MEOX2: variants seen among roughly 807,000 people sequenced by gnomAD.
The protein encoded by MEOX2 is mesenchyme homeobox 2.
Under a neutral mutation model 27.0 loss-of-function variants are expected in MEOX2, and 11 were observed. That is an observed-to-expected ratio of 0.41 (90% CI 0.26 to 0.68). MEOX2 has a LOEUF of 0.68. MEOX2 is among the 30% of genes least tolerant of loss of function. The probability of loss-of-function intolerance (pLI) is 0.33; values close to 1 mark genes in which losing one functional copy is unlikely to be tolerated. For missense variants in MEOX2, 436 were observed against 385.4 expected (o/e 1.13, Z -1.10); for synonymous variants, 189 against 155.4 (o/e 1.22, Z -1.61).
chr7:15,663,491 C>A (rs943024041), intron 1 of MEOX2, among the ~76,000 whole-genome samples: 6 of 124,234 alleles, frequency 4.8e-5, no homozygotes, highest in Non-Finnish European at 1.0e-4. Context: ...TGCCACCACA[C>A]CCGGCTAATT....
chr7:15,615,573 T>C (rs2115352919), intron 2 of MEOX2, among the ~76,000 whole-genome samples: 2 of 152,220 alleles, frequency 1.3e-5, no homozygotes, highest in East Asian at 1.9e-4. Flanking sequence ...CTGAGTTTAA[T>C]TACCTTTGCA....
intron 1 of MEOX2, among the ~76,000 whole-genome samples, chr7:15,664,844 T>C (rs1269510138): frequency 6.6e-6 from 1 of 152,166 alleles, no homozygotes; most frequent in Non-Finnish European, 1.5e-5. Flanking sequence ...CTGGACTTTC[T>C]AGCAGGTGTG....
At chr7:15,674,060 T>C (rs1782153750) in intron 1 of MEOX2, among the ~76,000 whole-genome samples, 1 of 152,118 alleles carries the variant, frequency 6.6e-6, no homozygotes, top group African/African-American at 2.4e-5. Context: ...ATAGATATAA[T>C]ATTAAACAAA....
intron 1 of MEOX2, among the ~76,000 whole-genome samples, chr7:15,668,451 G>A (rs1326709781): frequency 6.6e-6 from 1 of 152,004 alleles, no homozygotes; most frequent in Non-Finnish European, 1.5e-5. Context: ...GGCAATAGTA[G>A]GCTAGTAGTA....
intron 1 of MEOX2, among the ~76,000 whole-genome samples, chr7:15,669,341 T>A (rs1782061044): frequency 6.6e-6 from 1 of 152,262 alleles, no homozygotes; most frequent in Non-Finnish European, 1.5e-5. Context: ...TATGTATATT[T>A]GTTTTTTGTG....
intron 1 of MEOX2, among the ~76,000 whole-genome samples, chr7:15,651,217 A>T (rs1249162204): frequency 1.3e-5 from 2 of 151,976 alleles, no homozygotes; most frequent in African/African-American, 4.8e-5. Flanking sequence ...ATGAAATGTG[A>T]TATACTTTCC....
chr7:15,655,924 T>C (rs116426954), intron 1 of MEOX2, among the ~76,000 whole-genome samples: 1 of 151,728 alleles, frequency 6.6e-6, no homozygotes, highest in African/African-American at 2.4e-5. Context: ...TGTCTAGCTG[T>C]TTTATCGATT....
chr7:15,626,988 G>T, intron 1 of MEOX2, 70 bp from the exon 2 acceptor site: 1 of 1,456,138 alleles, frequency 6.9e-7, no homozygotes, highest in East Asian at 2.3e-5. Flanking sequence ...ATTATTCACA[G>T]TTATTGAATT....
intron 2 of MEOX2, among the ~76,000 whole-genome samples, chr7:15,615,786 A>G (rs1423079307): frequency 6.6e-6 from 1 of 152,080 alleles, no homozygotes; most frequent in Non-Finnish European, 1.5e-5. Context: ...GAAGAAATAC[A>G]TATGTCATGA....
intron 1 of MEOX2, chr7:15,680,651 G>A (rs1782278577): frequency 6.6e-6 from 1 of 151,804 alleles, no homozygotes; most frequent in African/African-American, 2.4e-5. Context: ...AAGGAAAGTA[G>A]GCAAAATGTT....
At chr7:15,647,694 C>G (rs977161810) in intron 1 of MEOX2, among the ~76,000 whole-genome samples, 1 of 151,906 alleles carries the variant, frequency 6.6e-6, no homozygotes. Flanking sequence ...TAACAGCCAA[C>G]AACAAAAACA....
chr7:15,667,071 C>G (rs1447766949), intron 1 of MEOX2, among the ~76,000 whole-genome samples: 1 of 150,684 alleles, frequency 6.6e-6, no homozygotes, highest in Admixed American at 6.6e-5. Context: ...GAGGACAGAT[C>G]ACAAAGTCAA....
intron 2 of MEOX2, among the ~76,000 whole-genome samples, chr7:15,622,599 C>T (rs928410501): frequency 2.4e-4 from 36 of 151,808 alleles, no homozygotes; most frequent in African/African-American, 7.7e-4. Flanking sequence ...TATGAAAAGA[C>T]AACATATCTA....
At chr7:15,670,274 C>A (rs1782074329) in intron 1 of MEOX2, among the ~76,000 whole-genome samples, 1 of 152,154 alleles carries the variant, frequency 6.6e-6, no homozygotes, top group South Asian at 2.1e-4. Flanking sequence ...ATTTTATTTT[C>A]ATAAATATTT....
At chr7:15,640,145 G>A (rs775948547) in intron 1 of MEOX2, among the ~76,000 whole-genome samples, 2 of 151,846 alleles carry the variant, frequency 1.3e-5, no homozygotes, top group African/African-American at 2.4e-5. Context: ...TATTATCTAT[G>A]ATTCTATAAT....
intron 1 of MEOX2, among the ~76,000 whole-genome samples, chr7:15,683,239 A>G (rs1164084718): frequency 2.0e-5 from 3 of 152,056 alleles, no homozygotes; most frequent in African/African-American, 7.2e-5. Context: ...ATACACATAC[A>G]GTCTAAGTAT....
intron 1 of MEOX2, among the ~76,000 whole-genome samples, chr7:15,639,834 C>T (rs978837491): frequency 1.1e-4 from 17 of 152,066 alleles, no homozygotes; most frequent in Admixed American, 4.6e-4. Context: ...GTCTATTGTA[C>T]CAGTACCAAA....
At chr7:15,665,098 T>C (rs1583781271) in intron 1 of MEOX2, among the ~76,000 whole-genome samples, 1 of 150,336 alleles carries the variant, frequency 6.7e-6, no homozygotes, top group East Asian at 1.9e-4. Context: ...GCCTCTACTT[T>C]TCTTACAGTT....
chr7:15,612,317 A>C lies in MEOX2; in HGVS notation c.*70T>G. The C allele has an allele frequency of 8.2e-7, 1 of 1,213,392 alleles. No homozygotes were observed. The highest frequency in any genetic ancestry group is 1.2e-6 in the Non-Finnish European group (1 of 819,364). The allele number at this position is 1,213,392 out of a possible 1,614,324, so 75.2% of individuals were successfully genotyped here. A position where few individuals can be genotyped will look rare whatever the true frequency, so the allele number is the denominator to read the frequency against. On this transcript the variant is annotated 3_prime_UTR_variant, in exon 3 of 3. Coordinates refer to ENST00000262041, the MANE Select transcript of MEOX2 (RefSeq NM_005924.5). ...ACTGCCATAGTCATCTCTCTGTGTA[A>C]ACGATATTTGGGTAAGGCTTGCCAT... is the stretch of plus-strand genomic sequence containing the variant.
Sources: allele counts gnomAD v4.1 joint callset (sites outside exome capture counted in the v4.1 genomes callset), GRCh38; gene constraint gnomAD v4.1.1; transcripts MANE v1.5; gene names NCBI Gene and HGNC (gene_info 2026-07-23, HGNC 2026-07-21).